The following DCAF1 variants were observed in gnomAD, a reference collection of about 807,000 sequenced individuals.
DCAF1 encodes DDB1- and CUL4-associated factor 1.
Under a neutral mutation model 128.0 loss-of-function variants are expected in DCAF1, and 15 were observed. That is an observed-to-expected ratio of 0.12 (90% CI 0.08 to 0.18). The LOEUF is 0.18. Among genes scored for constraint, DCAF1 ranks in the 10% least tolerant of loss-of-function variants. DCAF1 has a pLI of 1.00. For synonymous variants in DCAF1, 610 were observed against 603.0 expected (o/e 1.01, Z -0.17); for missense variants, 988 against 1,649.5 (o/e 0.60, Z 6.95).
At chr3:51,411,163 GAAAA>G (rs1268364026) in intron 23 of DCAF1, among the ~76,000 whole-genome samples, 2 of 58,832 alleles carry the variant, frequency 3.4e-5, no homozygotes, top group African/African-American at 6.1e-5. Flanking sequence ...CTCCATCTCA[GAAAA>G]AAAAAAAAAA....
chr3:51,409,587 A>G (rs1226597169), intron 23 of DCAF1, among the ~76,000 whole-genome samples: 2 of 152,250 alleles, frequency 1.3e-5, no homozygotes, highest in African/African-American at 4.8e-5. Flanking sequence ...AGCCTGATTC[A>G]GAACTGATAC....
At chr3:51,413,810 T>C (rs1171011735) in intron 20 of DCAF1, 140 bp downstream of exon 20, 2 of 1,118,828 alleles carry the variant, frequency 1.8e-6, no homozygotes, top group Non-Finnish European at 2.4e-6. Context: ...CCATTCATAC[T>C]ATCAATTTTT....
intron 2 of DCAF1, among the ~76,000 whole-genome samples, chr3:51,485,895 T>TAA (rs1706887075): frequency 7.2e-6 from 1 of 138,530 alleles, no homozygotes; most frequent in African/African-American, 2.6e-5. Flanking sequence ...ATTTTTTTTT[T>TAA]TTTTTTTTTT....
chr3:51,447,774 T>C (rs1443265204), intron 6 of DCAF1, among the ~76,000 whole-genome samples: 3 of 152,026 alleles, frequency 2.0e-5, no homozygotes, highest in Admixed American at 6.6e-5. Flanking sequence ...ATGGCAAAAC[T>C]GCATCTCTAC....
At chr3:51,437,643 G>T (rs1396076542) in intron 9 of DCAF1, among the ~76,000 whole-genome samples, 1 of 152,026 alleles carries the variant, frequency 6.6e-6, no homozygotes, top group Non-Finnish European at 1.5e-5. Flanking sequence ...ATGAAACCCG[G>T]TCTCTACCAA....
chr3:51,498,087 C>T (rs185118955), intron 1 of DCAF1, among the ~76,000 whole-genome samples: 118 of 130,172 alleles, frequency 9.1e-4, no homozygotes, highest in African/African-American at 3.3e-3. Context: ...AAAAAGCCAG[C>T]GCAGTGGCTT....
chr3:51,446,394 CTTGAAGTCAGGTGT>C (rs1701857956), intron 6 of DCAF1, among the ~76,000 whole-genome samples: 1 of 152,180 alleles, frequency 6.6e-6, no homozygotes, highest in Admixed American at 6.5e-5. Flanking sequence ...AGGAGGATTA[CTTGAAGTCAGGTGT>C]TTGAAGTCAG....
chr3:51,415,676 C>T (rs1177665906), intron 18 of DCAF1, among the ~76,000 whole-genome samples: 1 of 152,140 alleles, frequency 6.6e-6, no homozygotes, highest in Non-Finnish European at 1.5e-5. Context: ...CAGCCTCCAA[C>T]TCATGGGCTC....
At chr3:51,482,697 G>A (rs1172316159) in intron 3 of DCAF1, among the ~76,000 whole-genome samples, 1 of 149,054 alleles carries the variant, frequency 6.7e-6, no homozygotes, top group Non-Finnish European at 1.5e-5. Context: ...CCCGGGAGGC[G>A]GAGGTTGCAG....
chr3:51,494,347 C>G (rs1295088459), intron 2 of DCAF1, among the ~76,000 whole-genome samples: 10 of 152,056 alleles, frequency 6.6e-5, no homozygotes, highest in South Asian at 4.2e-4. Context: ...ATCTCCTGAC[C>G]TCGTGATCCA....
chr3:51,452,040 A>C (rs1274007726), intron 6 of DCAF1, among the ~76,000 whole-genome samples: 1 of 151,976 alleles, frequency 6.6e-6, no homozygotes, highest in African/African-American at 2.4e-5. Flanking sequence ...ACCATCCTAG[A>C]GCAATAAGTC....
Position 51,430,179 on chromosome 3 carries a change from C to T in DCAF1, c.1321G>A (p.Val441Met). ...CMHPHNVLSDVVNYTLWLMEC... is the reference protein window; with the variant it reads ...CMHPHNVLSDMVNYTLWLMEC... Reference sequence around the variant, plus strand: ...ATTAACCACAGGGTATAGTTCACCACATCAGACAGAACATTGTGGGGATGC... The same window carrying T: ...ATTAACCACAGGGTATAGTTCACCATATCAGACAGAACATTGTGGGGATGC... The change falls in exon 11 of 25, where the codon GTG (valine) becomes ATG (methionine). Residue 441 changes from valine (V) to methionine (M), a missense_variant. Physicochemically the swap from Val to Met is conservative, Grantham distance 21. Around this residue, in one of 11 missense-constraint regions of DCAF1, gnomAD observed 185 missense variants for 248.1 expected, o/e 0.75. Transcript: ENST00000684031. The T allele has an allele frequency of 2.6e-6, 2 of 780,728 alleles. No homozygotes were observed. The highest frequency in any genetic ancestry group is 4.8e-6 in the Non-Finnish European group (2 of 417,888). The allele number at this position is 780,728 out of a possible 1,614,324, so 48.4% of individuals were successfully genotyped here.
In DCAF1 at chr3:51,403,393, T is replaced by G; in HGVS notation, c.4215A>C (p.Glu1405Asp). ...AEDEDEEEDQ[E>D]EEEQEEEDDD... ...CATCTTCTTCCTCCTGTTCTTCCTC[T>G]TCCTGGTAAGAAAGCGTAATGTTCA... The change falls in exon 24 of 25, where the codon GAA becomes GAC. Residue 1405 changes from glutamate (E) to aspartate (D), a missense_variant and splice_region_variant. Physicochemically the swap from Glu to Asp is conservative, Grantham distance 45. This residue lies in a region of DCAF1 where 97 missense variants were observed against 134.5 expected (regional missense o/e 0.72). Coordinates refer to ENST00000684031, the MANE Select transcript of DCAF1 (RefSeq NM_001387579.1). 6.4e-7 allele frequency: 1 copy of G among 1,552,086 alleles called. No homozygotes were observed.
Position 51,420,955 on chromosome 3 carries a change from A to G in DCAF1, c.2015T>C (p.Ile672Thr), listed in dbSNP as rs1699333073. 6.2e-7 allele frequency: 1 copy of G among 1,613,894 alleles called. No individual in the cohort carries two copies. Among genetic ancestry groups the G allele is most frequent in the Admixed American group, 1.7e-5 (1 of 60,000 alleles). Residue 672 changes from isoleucine to threonine, a missense_variant, in exon 15 of 25, where the codon ATC becomes ACC. Ile to Thr is a moderately conservative substitution (Grantham distance 89). Around this residue, in one of 11 missense-constraint regions of DCAF1, gnomAD observed 185 missense variants for 248.1 expected, o/e 0.75. Coordinates refer to ENST00000684031, the MANE Select transcript of DCAF1 (RefSeq NM_001387579.1). The surrounding 1 kb of genome is among the most constrained non-coding windows in gnomAD (Gnocchi z 6.5). Reference sequence around the variant, plus strand: ...TGACTTCTGAATTTCAGCATCATGGATGAAGAACTCACCCTCAGCCACTCC... The same window carrying G: ...TGACTTCTGAATTTCAGCATCATGGGTGAAGAACTCACCCTCAGCCACTCC... ...ILGVAEGEFF[I>T]HDAEIQKSAL...
intron 3 of DCAF1, among the ~76,000 whole-genome samples, chr3:51,476,316 G>A (rs1014472541): frequency 2.0e-5 from 3 of 151,248 alleles, no homozygotes; most frequent in South Asian, 2.1e-4. Flanking sequence ...ACTTCAGCCA[G>A]GGAGGCAGAG....
chr3:51,498,228 C>G (rs1048949286), intron 1 of DCAF1, among the ~76,000 whole-genome samples: 4 of 150,868 alleles, frequency 2.7e-5, no homozygotes, highest in South Asian at 2.1e-4. Flanking sequence ...GGCGTGGTGG[C>G]GCGTGCCTGT....
chr3:51,463,176 C>A lies in DCAF1; in HGVS notation c.313G>T (p.Ala105Ser). The change falls in exon 6 of 25, where the codon GCT (alanine) becomes TCT (serine). Residue 105 changes from alanine to serine, a missense_variant. Physicochemically the swap from Ala to Ser is moderately conservative, Grantham distance 99 (BLOSUM62 1). Around this residue, in one of 11 missense-constraint regions of DCAF1, gnomAD observed 210 missense variants for 260.2 expected, o/e 0.81. Coordinates refer to ENST00000684031, the MANE Select transcript of DCAF1 (RefSeq NM_001387579.1). ...TSREPPLNTA[A>S]CRLLLDIMPG... ...ATGATGTCTAATAGGAGTCTGCAAG[C>A]TGCAGTGTTTAAAGGGGGCTCTCGG... The A allele has an allele frequency of 6.3e-7, 1 of 1,597,446 alleles. No homozygotes were observed.
chr3:51,461,471 A>C (rs1269836138), intron 6 of DCAF1, among the ~76,000 whole-genome samples: 1 of 152,160 alleles, frequency 6.6e-6, no homozygotes, highest in African/African-American at 2.4e-5. Flanking sequence ...GTGGGACTGT[A>C]AACTAGTTCA....
At chr3:51,461,665 A>G (rs1220420654) in intron 6 of DCAF1, among the ~76,000 whole-genome samples, 6 of 152,198 alleles carry the variant, frequency 3.9e-5, no homozygotes, top group Non-Finnish European at 5.9e-5. Context: ...ACCAACCTAA[A>G]TGTCCAACAA....
Sources: gnomAD v4.1 joint callset for allele counts (sites outside exome capture counted in the v4.1 genomes callset) on GRCh38, gnomAD v4.1.1 for gene constraint, gnomAD v4.1.1 regional missense constraint, Gnocchi (gnomAD v3.1) non-coding constraint, MANE v1.5 for transcripts, NCBI Gene and HGNC (gene_info 2026-07-23, HGNC 2026-07-21) for gene names.